Variants in TAFA1 observed in about 807,000 individuals in gnomAD.
TAFA1 encodes the protein TAFA chemokine like family member 1.
In TAFA1, 4 loss-of-function variants were observed where a neutral mutation model predicts 18.5. That is an observed-to-expected ratio of 0.22 (90% CI 0.11 to 0.49). The LOEUF (loss-of-function observed/expected upper bound fraction) is 0.49. Ranked by LOEUF, TAFA1 falls within the 20% of genes least tolerant of loss-of-function variation. The pLI is 0.98. For missense variants in TAFA1, 147 were observed against 169.0 expected (o/e 0.87, Z 0.72); for synonymous variants, 56 against 55.2 (o/e 1.01, Z -0.06).
At chr3:68,258,792 T>C (rs2067348839) in intron 2 of TAFA1, among the ~76,000 whole-genome samples, 1 of 152,178 alleles carries the variant, frequency 6.6e-6, no homozygotes, top group South Asian at 2.1e-4. Flanking sequence ...CTTTCTTCCT[T>C]GGGATGTCAC....
chr3:68,120,176 T>C (rs1490349768), intron 2 of TAFA1, among the ~76,000 whole-genome samples: 1 of 14,328 alleles, frequency 7.0e-5, no homozygotes, highest in African/African-American at 1.7e-4. Context: ...TCTTTCTCTT[T>C]CTTTCTTTCT....
intron 2 of TAFA1, among the ~76,000 whole-genome samples, chr3:68,069,102 C>A (rs2064719689): frequency 1.3e-5 from 2 of 152,118 alleles, no homozygotes; most frequent in African/African-American, 4.8e-5. Flanking sequence ...GTTGCTAAGA[C>A]TGGACTTTGG....
At chr3:68,355,018 G>A (rs1056582613) in intron 2 of TAFA1, among the ~76,000 whole-genome samples, 1 of 151,950 alleles carries the variant, frequency 6.6e-6, no homozygotes, top group African/African-American at 2.4e-5. Context: ...CATTTATATG[G>A]TCGTTCAGAT....
At chr3:68,433,076 C>G (rs1231206691) in intron 3 of TAFA1, among the ~76,000 whole-genome samples, 3 of 152,064 alleles carry the variant, frequency 2.0e-5, no homozygotes, top group African/African-American at 7.2e-5. Flanking sequence ...TTGGATTTCT[C>G]AAAGACACCT....
intron 2 of TAFA1, among the ~76,000 whole-genome samples, chr3:68,118,443 C>T (rs964510958): frequency 2.4e-4 from 36 of 152,220 alleles, no homozygotes; most frequent in Admixed American, 9.8e-4. Context: ...CTGTATGGCC[C>T]GGTTCCTAAC....
intron 3 of TAFA1, among the ~76,000 whole-genome samples, chr3:68,478,813 C>G (rs2072154776): frequency 6.6e-6 from 1 of 151,592 alleles, no homozygotes; most frequent in South Asian, 2.1e-4. Context: ...ATACCCAATT[C>G]TATATTTCTA....
chr3:68,067,600 C>T (rs899949695), intron 2 of TAFA1, among the ~76,000 whole-genome samples: 22 of 152,144 alleles, frequency 1.4e-4, no homozygotes, highest in East Asian at 7.7e-4. Flanking sequence ...AGTGGTTTTA[C>T]AGGATTATTT....
At chr3:68,524,764 G>A (rs1361607894) in intron 3 of TAFA1, among the ~76,000 whole-genome samples, 1 of 151,398 alleles carries the variant, frequency 6.6e-6, no homozygotes, top group East Asian at 2.0e-4. Flanking sequence ...TCTGCCTCCC[G>A]GGTTCACACC....
chr3:68,371,923 C>T (rs2069714528), intron 2 of TAFA1, among the ~76,000 whole-genome samples: 1 of 152,106 alleles, frequency 6.6e-6, no homozygotes, highest in Non-Finnish European at 1.5e-5. Context: ...CAGTGCTGCT[C>T]AACCTGATAT....
chr3:68,276,271 A>G (rs2067795100), intron 2 of TAFA1, among the ~76,000 whole-genome samples: 1 of 152,164 alleles, frequency 6.6e-6, no homozygotes, highest in Non-Finnish European at 1.5e-5. Flanking sequence ...CGTCAGTGCT[A>G]TTAGCATTTG....
At chr3:68,068,808 G>A (rs755057895) in intron 2 of TAFA1, among the ~76,000 whole-genome samples, 2 of 152,132 alleles carry the variant, frequency 1.3e-5, no homozygotes, top group Non-Finnish European at 1.5e-5. Context: ...ACAGTAATAA[G>A]GATGGCCATA....
At position 68,012,870 on chromosome 3, in the gene TAFA1, A is replaced by G. The variant is rs74562069; in HGVS notation, c.118+6126A>G. Among the ~76,000 whole-genome samples the G allele has an allele frequency of 6.3e-3, 957 of 152,264 alleles. 41 individuals are homozygous for G. The East Asian group carries it at 0.13, about 21-fold the overall frequency. On this transcript the variant is annotated intron_variant, in intron 2 of 4. Coordinates refer to ENST00000478136, the MANE Select transcript of TAFA1 (RefSeq NM_213609.4). ...CAGCATTTCAGAATTATACTTCATG[A>G]AACACTGTCTTCTGAAGATACTCCT...
In TAFA1 at chr3:68,113,989, C is replaced by A. The variant is rs141882806; in HGVS notation, c.118+107245C>A. Among the ~76,000 whole-genome samples, 96 of 151,254 alleles carry A rather than the reference C, an allele frequency of 6.3e-4. 1 individual carries two copies. The highest frequency in any genetic ancestry group is 2.2e-3 in the African/African-American group (90 of 41,178). On this transcript the variant is annotated intron_variant, in intron 2 of 4. Coordinates refer to ENST00000478136, the MANE Select transcript of TAFA1 (RefSeq NM_213609.4). The stretch of plus-strand genomic sequence containing the variant: ...GCACAATCTCGGCTCACTGCAACCT[C>A]CGCCTCCTGGATTCAAACAATTATC...
intron 2 of TAFA1, among the ~76,000 whole-genome samples, chr3:68,225,416 G>A (rs952915784): frequency 6.6e-6 from 1 of 152,140 alleles, no homozygotes; most frequent in African/African-American, 2.4e-5. Context: ...TCCATAGAGA[G>A]CAACAGTCAA....
intron 2 of TAFA1, among the ~76,000 whole-genome samples, chr3:68,023,684 C>T (rs1704746972): frequency 6.6e-6 from 1 of 151,864 alleles, no homozygotes; most frequent in Admixed American, 6.6e-5. Flanking sequence ...AATGTTGTAT[C>T]AGTTTACTCA....
At chr3:68,451,046 C>T (rs956881655) in intron 3 of TAFA1, among the ~76,000 whole-genome samples, 1 of 152,164 alleles carries the variant, frequency 6.6e-6, no homozygotes, top group African/African-American at 2.4e-5. Flanking sequence ...GGCAGTTTAG[C>T]TCCAGAGTCC....
At chr3:68,461,628 A>C (rs1446154943) in intron 3 of TAFA1, among the ~76,000 whole-genome samples, 1 of 151,464 alleles carries the variant, frequency 6.6e-6, no homozygotes, top group African/African-American at 2.4e-5. Context: ...AGCCTACCAC[A>C]ACATATCACC....
intron 2 of TAFA1, among the ~76,000 whole-genome samples, chr3:68,389,595 C>T (rs13080216): frequency 0.37 from 56,732 of 151,940 alleles, 11,336 homozygotes; most frequent in Non-Finnish European, 0.41. Flanking sequence ...GGAACAGCTC[C>T]GGTCTGCAGT....
chr3:68,213,672 G>A (rs978003438), intron 2 of TAFA1, among the ~76,000 whole-genome samples: 1 of 152,038 alleles, frequency 6.6e-6, no homozygotes, highest in African/African-American at 2.4e-5. Context: ...CACCTTACGT[G>A]TTCCAAGTAA....
Sources: allele counts gnomAD v4.1 joint callset (sites outside exome capture counted in the v4.1 genomes callset), GRCh38; gene constraint gnomAD v4.1.1; transcripts MANE v1.5; gene names NCBI Gene and HGNC (gene_info 2026-07-23, HGNC 2026-07-21).